The following PDPR variants were observed in gnomAD, a reference collection of about 807,000 sequenced individuals.
PDPR encodes pyruvate dehydrogenase phosphatase regulatory subunit.
In PDPR, 50 loss-of-function variants were observed where a neutral mutation model predicts 102.2. The ratio of observed to expected loss-of-function variants is 0.49; its 90% CI spans 0.39 to 0.62. PDPR has a LOEUF of 0.62. Among genes scored for constraint, PDPR ranks in the 20% least tolerant of loss-of-function variants. PDPR has a pLI of 0.00. For synonymous variants in PDPR, 259 were observed against 406.0 expected, an observed-to-expected ratio of 0.64 and a Z score of 4.35; for missense variants, 625 against 1,098.2, an observed-to-expected ratio of 0.57 and a Z score of 6.09.
chr16:70,133,421 C>CTTTTTTT (rs1162339028), intron 9 of PDPR, among the ~76,000 whole-genome samples: 5 of 103,734 alleles, frequency 4.8e-5, no homozygotes, highest in East Asian at 4.1e-4. Context: ...TGCGTCTGGC[C>CTTTTTTT]TTTTTTTTTT....
chr16:70,159,257 C>T lies in PDPR; in HGVS notation c.*2378C>T, dbSNP rs1967540663. 6.6e-6 allele frequency: 1 copy of T among 152,384 alleles called. No individual in the cohort carries two copies. Among genetic ancestry groups the T allele is most frequent in the Admixed American group, 6.5e-5 (1 of 15,284 alleles). 9.4% of individuals were successfully genotyped at this position (152,384 alleles called of 1,614,324 possible). A position where few individuals can be genotyped will look rare whatever the true frequency, so the allele number is the denominator to read the frequency against. ...CTGATGCTGTGTCCAAAATTATGCA[C>T]TGTTTGTTGAAGTAGAACCAGAAAT... On this transcript the variant is annotated 3_prime_UTR_variant, in exon 19 of 19. Coordinates refer to ENST00000288050, the MANE Select transcript of PDPR (RefSeq NM_017990.5).
At chr16:70,119,956 G>A (rs921999557) in intron 2 of PDPR, among the ~76,000 whole-genome samples, 26 of 149,776 alleles carry the variant, frequency 1.7e-4, no homozygotes, top group Admixed American at 1.5e-3. Context: ...TCGCTCTGTC[G>A]CCCAGGCTGG....
chr16:70,156,901 T>A lies in PDPR; in HGVS notation c.*22T>A. 1 of 1,608,468 alleles carries A rather than the reference T, an allele frequency of 6.2e-7. No homozygotes were observed. Among genetic ancestry groups the A allele is most frequent in the Non-Finnish European group, 8.5e-7 (1 of 1,177,442 alleles). On this transcript the variant is annotated 3_prime_UTR_variant, in exon 19 of 19. Transcript: ENST00000288050. Reference sequence around the variant, plus strand: ...GTGATGCCACCAGGGCAGCCTCACCTCCTCCCCATCATCTTGTCCTAGAGT... The same window carrying A: ...GTGATGCCACCAGGGCAGCCTCACCACCTCCCCATCATCTTGTCCTAGAGT...
intron 3 of PDPR, among the ~76,000 whole-genome samples, chr16:70,121,171 C>T (rs953726236): frequency 3.3e-5 from 5 of 151,862 alleles, no homozygotes; most frequent in Admixed American, 2.0e-4. Context: ...CTTGTGTTTG[C>T]TTAATTGCTA....
intron 9 of PDPR, among the ~76,000 whole-genome samples, chr16:70,133,444 G>C (rs1442811898): frequency 6.2e-5 from 1 of 16,158 alleles, no homozygotes; most frequent in Non-Finnish European, 9.6e-5. Context: ...TGAGATAAGA[G>C]TCTTGCTCTG....
At chr16:70,140,434 G>A (rs548501503) in intron 11 of PDPR, among the ~76,000 whole-genome samples, 148 of 152,378 alleles carry the variant, frequency 9.7e-4, no homozygotes, top group African/African-American at 3.5e-3. Context: ...TTTGGAACCT[G>A]TACAAATCAT....
At position 70,133,111 on chromosome 16, in the gene PDPR, C is replaced by CTTTTTTTTTT. The variant is rs140652740; in HGVS notation, c.997+823_997+832dup. On this transcript the variant is annotated intron_variant, in intron 9 of 18. Transcript: ENST00000288050. Reference sequence around the variant, plus strand: ...GGGCATGAGCCATGATACCCAGCTGCTTTTTTTTTTTTTTTTTTTTTGAGA... The same window carrying CTTTTTTTTTT: ...GGGCATGAGCCATGATACCCAGCTGCTTTTTTTTTTTTTTTTTTTTTTTTTTTTTTTGAGA... Among the ~76,000 whole-genome samples, 29 of 97,254 alleles carry CTTTTTTTTTT rather than the reference C, an allele frequency of 3.0e-4. 1 individual carries two copies. Among genetic ancestry groups the CTTTTTTTTTT allele is most frequent in the East Asian group, 4.4e-4 (1 of 2,254 alleles). The allele number at this position is 97,254 out of a possible 152,430, so 63.8% of individuals were successfully genotyped here.
intron 6 of PDPR, 40 bp downstream of exon 6, chr16:70,129,162 G>A (rs1964288252): frequency 6.2e-7 from 1 of 1,613,566 alleles, no homozygotes; most frequent in African/African-American, 1.3e-5. Flanking sequence ...AGGTTAGCAG[G>A]GAAGACATTA....
In PDPR at chr16:70,159,878, C is replaced by T. The variant is rs1426587661; in HGVS notation, c.*2999C>T. On this transcript the variant is annotated 3_prime_UTR_variant, in exon 19 of 19. Transcript: ENST00000288050. ...CCATGTGTCATTTCCAAGGGTTTGC[C>T]TTGTGTCTCAGCTCATTCTGGGCAG... 1 of 152,946 alleles carries T rather than the reference C, an allele frequency of 6.5e-6. No individual in the cohort carries two copies. The highest frequency in any genetic ancestry group is 6.5e-5 in the Admixed American group (1 of 15,290). 9.5% of individuals were successfully genotyped at this position (152,946 alleles called of 1,614,324 possible).
At chr16:70,149,886 G>C (rs1447667349) in intron 17 of PDPR, among the ~76,000 whole-genome samples, 1 of 152,172 alleles carries the variant, frequency 6.6e-6, no homozygotes, top group East Asian at 1.9e-4. Context: ...CGCCTCCCGG[G>C]TTCACGCCAT....
At chr16:70,138,038 C>CTATTT (rs1965330258) in intron 10 of PDPR, among the ~76,000 whole-genome samples, 2 of 118,362 alleles carry the variant, frequency 1.7e-5, no homozygotes, top group Admixed American at 9.5e-5. Flanking sequence ...ATACCCAGCT[C>CTATTT]TTTTTTTTTT....
At chr16:70,154,733 A>G (rs1409209688) in intron 18 of PDPR, among the ~76,000 whole-genome samples, 5 of 152,162 alleles carry the variant, frequency 3.3e-5, no homozygotes, top group East Asian at 3.9e-4. Context: ...ATGCCCTCTC[A>G]TGCTCAAGTG....
intron 16 of PDPR, among the ~76,000 whole-genome samples, chr16:70,148,165 AC>A (rs1468834768): frequency 5.9e-5 from 9 of 152,230 alleles, no homozygotes; most frequent in African/African-American, 2.2e-4. Flanking sequence ...TAACACAAGG[AC>A]CTGGCAAAGA....
chr16:70,154,804 A>AT (rs1301799686), intron 18 of PDPR, among the ~76,000 whole-genome samples: 2 of 152,196 alleles, frequency 1.3e-5, no homozygotes, highest in African/African-American at 4.8e-5. Flanking sequence ...TGCCCAGCTA[A>AT]TTTTTTTGTA....
intron 9 of PDPR, among the ~76,000 whole-genome samples, chr16:70,135,479 C>T (rs369905300): frequency 6.6e-6 from 1 of 152,244 alleles, no homozygotes; most frequent in Non-Finnish European, 1.5e-5. Context: ...TCAGGTGATC[C>T]GCCCACCTTG....
At chr16:70,132,674 G>C (rs1964661609) in intron 9 of PDPR, among the ~76,000 whole-genome samples, 1 of 151,492 alleles carries the variant, frequency 6.6e-6, no homozygotes, top group Admixed American at 6.6e-5. Flanking sequence ...TTTTGGTAGA[G>C]ACATGGTCTC....
intron 4 of PDPR, among the ~76,000 whole-genome samples, chr16:70,127,612 A>T (rs1243060854): frequency 6.6e-6 from 1 of 152,206 alleles, no homozygotes; most frequent in Non-Finnish European, 1.5e-5. Context: ...ACATGGTGAA[A>T]CCCCGTCTCT....
intron 3 of PDPR, among the ~76,000 whole-genome samples, chr16:70,122,994 G>A (rs1205056032): frequency 4.6e-5 from 7 of 152,118 alleles, no homozygotes; most frequent in South Asian, 2.1e-4. Context: ...TGTGCCTCCC[G>A]GATTCCAGTG....
Position 70,161,479 on chromosome 16 carries a change from G to A in PDPR, c.*4600G>A, listed in dbSNP as rs11075759. ...TCATTTCAGGCACATGGATTCAGGA[G>A]AAGCACAGTTGAGTGGAAGAAATGG... On this transcript the variant is annotated 3_prime_UTR_variant, in exon 19 of 19. Transcript: ENST00000288050. The A allele has an allele frequency of 0.14, 20,351 of 146,386 alleles. 1 individual carries two copies. Among genetic ancestry groups the A allele is most frequent in the African/African-American group, 0.15 (6,040 of 40,044 alleles). The allele number at this position is 146,386 out of a possible 1,614,324, so 9.1% of individuals were successfully genotyped here.
Sources: allele counts gnomAD v4.1 joint callset (sites outside exome capture counted in the v4.1 genomes callset), GRCh38; gene constraint gnomAD v4.1.1; transcripts MANE v1.5; gene names NCBI Gene and HGNC (gene_info 2026-07-23, HGNC 2026-07-21).